Variants in DOCK8 observed in about 807,000 individuals in gnomAD.
DOCK8 encodes dedicator of cytokinesis 8, also known as dedicator of cytokinesis protein 8.
Under a neutral mutation model 245.6 loss-of-function variants are expected in DOCK8, and 141 were observed. That is an observed-to-expected ratio of 0.57 (90% CI 0.50 to 0.66). The LOEUF (loss-of-function observed/expected upper bound fraction) is 0.66, where lower values mean the gene tolerates loss of function less well. DOCK8 is among the 30% of genes least tolerant of loss of function. The probability of loss-of-function intolerance (pLI) is 0.00; values close to 1 mark genes in which losing one functional copy is unlikely to be tolerated. For missense variants in DOCK8, 2,965 were observed against 2,603.4 expected, an observed-to-expected ratio of 1.14 and a Z score of -3.02; for synonymous variants, 1,168 against 970.2, an observed-to-expected ratio of 1.20 and a Z score of -3.79.
intron 38 of DOCK8, 60 bp from the exon 39 acceptor site, chr9:434,722 AG>A: frequency 6.4e-7 from 1 of 1,560,706 alleles, no homozygotes; most frequent in Non-Finnish European, 8.8e-7. Flanking sequence ...CACACAAAGT[AG>A]AAGAACAGTG....
intron 25 of DOCK8, 66 bp downstream of exon 25, chr9:397,000 G>C (rs532184455): frequency 6.7e-7 from 1 of 1,503,226 alleles, no homozygotes; most frequent in East Asian, 2.3e-5. Flanking sequence ...TTCATAATCA[G>C]AGAAAAATAA....
intron 1 of DOCK8, among the ~76,000 whole-genome samples, chr9:258,257 C>G (rs2047828015): frequency 6.6e-6 from 1 of 152,218 alleles, no homozygotes; most frequent in African/African-American, 2.4e-5. Context: ...GTCACTAAGT[C>G]ACACAGACAT....
At chr9:330,346 G>A (rs2050954378) in intron 9 of DOCK8, among the ~76,000 whole-genome samples, 1 of 152,126 alleles carries the variant, frequency 6.6e-6, no homozygotes, top group Middle Eastern at 3.2e-3. Flanking sequence ...CTATCCTTAT[G>A]TAAGGGCCAC....
chr9:232,428 A>G (rs1299219244), intron 1 of DOCK8, among the ~76,000 whole-genome samples: 5 of 152,178 alleles, frequency 3.3e-5, no homozygotes, highest in Admixed American at 6.5e-5. Flanking sequence ...GTTAGGGAGT[A>G]TTCCCTCTTT....
chr9:309,939 A>G (rs1010596430), intron 5 of DOCK8, among the ~76,000 whole-genome samples: 2 of 152,206 alleles, frequency 1.3e-5, no homozygotes, highest in Admixed American at 6.5e-5. Flanking sequence ...TTAATGAGCC[A>G]GGGTTTCACT....
chr9:414,440 C>T (rs2055892892), intron 28 of DOCK8, among the ~76,000 whole-genome samples: 1 of 152,154 alleles, frequency 6.6e-6, no homozygotes, highest in African/African-American at 2.4e-5. Flanking sequence ...TTTCTGGATT[C>T]TATGTAGTTC....
chr9:214,930 C>T lies in DOCK8; in HGVS notation c.-47C>T, dbSNP rs2046703670. The T allele has an allele frequency of 6.2e-7, 1 of 1,604,960 alleles. No homozygotes were observed. Among genetic ancestry groups the T allele is most frequent in the Admixed American group, 1.7e-5 (1 of 59,382 alleles). On this transcript the variant is annotated 5_prime_UTR_variant, in exon 1 of 48. Transcript: ENST00000432829. ...TACTCTGCGGCGCGCCAGGCCCCCG[C>T]TTTCCGCACCCCGCGACCCTAGAAG...
At chr9:419,541 A>G (rs2056186983) in intron 30 of DOCK8, among the ~76,000 whole-genome samples, 1 of 152,228 alleles carries the variant, frequency 6.6e-6, no homozygotes, top group Non-Finnish European at 1.5e-5. Context: ...ATTCTTGTCA[A>G]CAAACTCAGA....
chr9:214,258 G>C (rs1158651862), upstream of DOCK8: 3 of 483,052 alleles, frequency 6.2e-6, no homozygotes, highest in African/African-American at 2.1e-5. Context: ...CCCTTGAATC[G>C]CAAGAACGCC....
At chr9:406,488 CAAAAAAAAAA>C (rs202229906) in intron 27 of DOCK8, among the ~76,000 whole-genome samples, 38,346 of 95,430 alleles carry the variant, frequency 0.4, 5,879 homozygotes, top group East Asian at 0.63. Context: ...CTCTGTCTTT[CAAAAAAAAAA>C]AAAAAAAAAA....
intron 6 of DOCK8, chr9:312,844 T>TTATGC: frequency 5.2e-6 from 1 of 190,706 alleles, no homozygotes; most frequent in South Asian, 1.0e-4. Flanking sequence ...GCTCTCAGTT[T>TTATGC]TCCCCTCTGC....
At chr9:328,811 A>G (rs1257796983) in intron 9 of DOCK8, among the ~76,000 whole-genome samples, 2 of 151,602 alleles carry the variant, frequency 1.3e-5, no homozygotes, top group Non-Finnish European at 2.9e-5. Flanking sequence ...AGAGCCTTTC[A>G]TTCTAGGCTA....
chr9:368,248 C>T (rs1172029479), intron 15 of DOCK8, 113 bp downstream of exon 15: 2 of 914,020 alleles, frequency 2.2e-6, no homozygotes, highest in Non-Finnish European at 3.7e-6. Flanking sequence ...CAGGCCAATA[C>T]TGCTCAGCAT....
intron 1 of DOCK8, among the ~76,000 whole-genome samples, chr9:231,116 A>G (rs920595948): frequency 6.6e-6 from 1 of 152,144 alleles, no homozygotes; most frequent in Non-Finnish European, 1.5e-5. Flanking sequence ...AGCTTTCTAC[A>G]TATGGCTAGC....
At chr9:263,282 C>A (rs1215838630) in intron 1 of DOCK8, among the ~76,000 whole-genome samples, 1 of 150,112 alleles carries the variant, frequency 6.7e-6, no homozygotes, top group Non-Finnish European at 1.5e-5. Context: ...TTCCATTTTG[C>A]CCACTTGTTT....
rs562630169 is a variant in DOCK8, at chr9:382,560, C to T, written c.2653C>T (p.Arg885Cys). ...CCCTCGGAGCTACCACACGTATGGCCGCACATCAGCTGCTGCTGTGAGTTC... is the reference window on the plus strand; with the variant it reads ...CCCTCGGAGCTACCACACGTATGGCTGCACATCAGCTGCTGCTGTGAGTTC... Reference protein sequence around the residue: ...LDPRSYHTYGRTSAAAVSSKL... With the variant: ...LDPRSYHTYGCTSAAAVSSKL... Residue 885 changes from arginine (R) to cysteine (C), a missense_variant, in exon 22 of 48, where the codon CGC becomes TGC. Arg to Cys is a radical substitution (Grantham distance 180). This residue lies in a region of DOCK8 where 2,825 missense variants were observed against 2,453.5 expected (regional missense o/e 1.15). Coordinates refer to ENST00000432829, the MANE Select transcript of DOCK8 (RefSeq NM_203447.4). The T allele has an allele frequency of 4.1e-5, 66 of 1,614,092 alleles. No individual in the cohort carries two copies. The Admixed American group carries it at 8.2e-4, about 20-fold the overall frequency.
At position 434,808 on chromosome 9, in the gene DOCK8, C is replaced by T; in HGVS notation, c.4912C>T (p.Pro1638Ser). Residue 1638 changes from proline (P) to serine (S), a missense_variant, in exon 39 of 48, where the codon CCT (proline) becomes TCT (serine). Transcript: ENST00000432829. ...YRIAKSYQAS[P>S]DLRLTWLQNM... ...AATTGCCAAGAGTTACCAGGCATCTCCTGATCTGCGGCTGACCTGGCTCCA... is the reference window on the plus strand; with the variant it reads ...AATTGCCAAGAGTTACCAGGCATCTTCTGATCTGCGGCTGACCTGGCTCCA... 6.2e-7 allele frequency: 1 copy of T among 1,614,150 alleles called. No individual in the cohort carries two copies. The highest frequency in any genetic ancestry group is 8.5e-7 in the Non-Finnish European group (1 of 1,180,044).
intron 3 of DOCK8, among the ~76,000 whole-genome samples, chr9:288,196 G>T (rs1479879310): frequency 6.6e-6 from 1 of 152,034 alleles, no homozygotes; most frequent in Non-Finnish European, 1.5e-5. Flanking sequence ...TACTATTTCA[G>T]TTGTTGCCAA....
intron 14 of DOCK8, among the ~76,000 whole-genome samples, chr9:353,530 AT>A (rs1488206400): frequency 6.6e-6 from 1 of 152,182 alleles, no homozygotes; most frequent in African/African-American, 2.4e-5. Flanking sequence ...GCGTTCTGGT[AT>A]TTATATGTGT....
Sources: gnomAD v4.1 joint callset for allele counts (sites outside exome capture counted in the v4.1 genomes callset) on GRCh38, gnomAD v4.1.1 for gene constraint, gnomAD v4.1.1 regional missense constraint, MANE v1.5 for transcripts, NCBI Gene and HGNC (gene_info 2026-07-23, HGNC 2026-07-21) for gene names.